The following FSTL5 variants were observed in gnomAD, a reference collection of about 807,000 sequenced individuals.
FSTL5 encodes the protein follistatin like 5.
A neutral mutation model predicts 89.1 loss-of-function variants in FSTL5; 62 were observed. The ratio of observed to expected loss-of-function variants is 0.70; its 90% CI spans 0.57 to 0.86. The LOEUF is 0.86. Ranked by LOEUF, FSTL5 falls within the 40% of genes least tolerant of loss-of-function variation. The pLI, the probability that FSTL5 is intolerant of heterozygous loss-of-function variation, is 0.00. For synonymous variants in FSTL5, 383 were observed against 346.2 expected (o/e 1.11, Z -1.18); for missense variants, 1,057 against 1,001.6 (o/e 1.06, Z -0.75).
At chr4:161,755,051 AGAATTTGGT>A (rs1740524184) in intron 6 of FSTL5, among the ~76,000 whole-genome samples, 1 of 152,104 alleles carries the variant, frequency 6.6e-6, no homozygotes, top group Non-Finnish European at 1.5e-5. Context: ...ACCTTACCAG[AGAATTTGGT>A]ATTTCCTCTC....
intron 7 of FSTL5, among the ~76,000 whole-genome samples, chr4:161,643,606 G>A (rs1369384101): frequency 2.6e-5 from 4 of 152,006 alleles, no homozygotes; most frequent in Non-Finnish European, 1.5e-5. Flanking sequence ...AATGCATGAA[G>A]ATTAAACAAC....
intron 4 of FSTL5, among the ~76,000 whole-genome samples, chr4:161,860,081 G>A (rs141677753): frequency 3.6e-4 from 55 of 152,266 alleles, no homozygotes; most frequent in African/African-American, 1.3e-3. Context: ...AAGGTCAGGA[G>A]ATCTAGACCA....
intron 12 of FSTL5, among the ~76,000 whole-genome samples, chr4:161,482,034 G>A (rs1170755402): frequency 6.6e-6 from 1 of 152,154 alleles, no homozygotes; most frequent in African/African-American, 2.4e-5. Flanking sequence ...TAAAATGTAT[G>A]TGCAGGCCGG....
chr4:162,148,572 A>G (rs1733096132), intron 1 of FSTL5, among the ~76,000 whole-genome samples: 1 of 152,182 alleles, frequency 6.6e-6, no homozygotes, highest in African/African-American at 2.4e-5. Context: ...TGATGTATAT[A>G]TACATTTATA....
At chr4:162,105,963 T>C (rs762764917) in intron 2 of FSTL5, among the ~76,000 whole-genome samples, 10 of 152,038 alleles carry the variant, frequency 6.6e-5, no homozygotes, top group Non-Finnish European at 1.5e-4. Flanking sequence ...AAGTCAAAGT[T>C]TTGATGTTTT....
intron 15 of FSTL5, chr4:161,387,513 C>T (rs1730686188): frequency 6.6e-6 from 1 of 151,900 alleles, no homozygotes; most frequent in African/African-American, 2.4e-5. Context: ...TGCTAATTAT[C>T]ACACATAATT....
intron 15 of FSTL5, among the ~76,000 whole-genome samples, chr4:161,396,153 C>T (rs1730987338): frequency 6.6e-6 from 1 of 151,616 alleles, no homozygotes; most frequent in Non-Finnish European, 1.5e-5. Context: ...AGAAGCCCAC[C>T]CATCCCAGAT....
At chr4:162,018,463 A>C (rs1391311855) in intron 3 of FSTL5, among the ~76,000 whole-genome samples, 1 of 152,150 alleles carries the variant, frequency 6.6e-6, no homozygotes, top group Non-Finnish European at 1.5e-5. Context: ...TTTGTGAATA[A>C]TTATTTCCTC....
intron 3 of FSTL5, among the ~76,000 whole-genome samples, chr4:161,973,403 A>G (rs1735540528): frequency 6.6e-6 from 1 of 152,192 alleles, no homozygotes. Flanking sequence ...GCACAACATT[A>G]AGGGTAGTTA....
At chr4:161,774,276 TGAAAGAAGCAA>T (rs1399357139) in intron 5 of FSTL5, among the ~76,000 whole-genome samples, 1 of 152,072 alleles carries the variant, frequency 6.6e-6, no homozygotes, top group Non-Finnish European at 1.5e-5. Flanking sequence ...CACCTGAAGC[TGAAAGAAGCAA>T]GAAAGGACCC....
chr4:161,860,364 G>A (rs1026101165), intron 4 of FSTL5, among the ~76,000 whole-genome samples: 1 of 152,200 alleles, frequency 6.6e-6, no homozygotes, highest in Non-Finnish European at 1.5e-5. Context: ...ATGGGTCAGA[G>A]ATTAAGTTGA....
chr4:161,532,143 T>C (rs1731432978), intron 10 of FSTL5, among the ~76,000 whole-genome samples: 1 of 151,012 alleles, frequency 6.6e-6, no homozygotes, highest in South Asian at 2.1e-4. Context: ...AGGCAGAGCT[T>C]ACAGTGAGCG....
At chr4:161,663,820 A>T (rs1252534952) in intron 6 of FSTL5, among the ~76,000 whole-genome samples, 3 of 152,208 alleles carry the variant, frequency 2.0e-5, no homozygotes, top group Non-Finnish European at 4.4e-5. Context: ...CTGCCCCTGC[A>T]GCAAACTTAT....
intron 2 of FSTL5, among the ~76,000 whole-genome samples, chr4:162,086,511 C>T (rs947309046): frequency 5.3e-5 from 8 of 151,642 alleles, no homozygotes; most frequent in African/African-American, 1.7e-4. Context: ...CATGCACTAC[C>T]GTTACTTTTT....
chr4:161,481,164 T>C lies in FSTL5; in HGVS notation c.1464A>G (p.Glu488=), dbSNP rs1213174523. ...PSEKLLGFQD[E]VCPKAEGDEV... is the part of the protein sequence containing the mutation. ...CATCTCCCTCAGCTTTGGGACAGAC[T>C]TCATCCTGTAATTTAGGAAAGAGAA... The change falls in exon 13 of 16, where the codon GAA becomes GAG. Residue 488 remains glutamate, a synonymous_variant. Transcript: ENST00000306100. 1 of 1,598,360 alleles carries C rather than the reference T, an allele frequency of 6.3e-7. No individual in the cohort carries two copies. Among genetic ancestry groups the C allele is most frequent in the South Asian group, 1.1e-5 (1 of 87,486 alleles).
At chr4:161,602,310 C>T (rs1009399434) in intron 7 of FSTL5, among the ~76,000 whole-genome samples, 9 of 145,980 alleles carry the variant, frequency 6.2e-5, no homozygotes, top group Admixed American at 6.1e-4. Context: ...TGCATTAATG[C>T]CCTTGGAAGA....
intron 4 of FSTL5, among the ~76,000 whole-genome samples, chr4:161,883,421 A>G (rs1440591): frequency 0.83 from 126,811 of 152,124 alleles, 53,492 homozygotes; most frequent in Non-Finnish European, 0.9. Context: ...ACATTTCTCA[A>G]TGTCACATTA....
intron 4 of FSTL5, among the ~76,000 whole-genome samples, chr4:161,879,702 T>C (rs1262107994): frequency 1.3e-5 from 2 of 152,290 alleles, no homozygotes; most frequent in Non-Finnish European, 2.9e-5. Context: ...GTATGTGACT[T>C]GACTAGCATC....
intron 3 of FSTL5, among the ~76,000 whole-genome samples, chr4:162,013,852 G>T (rs1178468413): frequency 6.6e-6 from 1 of 151,364 alleles, no homozygotes; most frequent in Non-Finnish European, 1.5e-5. Context: ...TTATCCATAG[G>T]CATTAAAAAA....
Sources: allele counts gnomAD v4.1 joint callset (sites outside exome capture counted in the v4.1 genomes callset), GRCh38; gene constraint gnomAD v4.1.1; transcripts MANE v1.5; gene names NCBI Gene and HGNC (gene_info 2026-07-23, HGNC 2026-07-21).